ATF7IP2: variants seen among roughly 807,000 people sequenced by gnomAD.
ATF7IP2 encodes activating transcription factor 7-interacting protein 2.
Under a neutral mutation model 64.2 loss-of-function variants are expected in ATF7IP2, and 42 were observed. The observed-to-expected ratio is 0.65, with a 90% confidence interval of 0.51 to 0.85. ATF7IP2 has a LOEUF of 0.85. ATF7IP2 is among the 40% of genes least tolerant of loss of function. The pLI is 0.00. For missense variants in ATF7IP2, 933 were observed against 784.2 expected, an observed-to-expected ratio of 1.19 and a Z score of -2.27; for synonymous variants, 308 against 272.8, an observed-to-expected ratio of 1.13 and a Z score of -1.27.
chr16:10,391,472 A>G (rs1245549816), intron 1 of ATF7IP2, among the ~76,000 whole-genome samples: 1 of 152,204 alleles, frequency 6.6e-6, no homozygotes, highest in Non-Finnish European at 1.5e-5. Flanking sequence ...GGAACACTGT[A>G]TAATAGGAAG....
At chr16:10,393,273 G>A (rs148855543) in intron 1 of ATF7IP2, among the ~76,000 whole-genome samples, 1 of 138,186 alleles carries the variant, frequency 7.2e-6, no homozygotes. Flanking sequence ...TTGCCTCAAT[G>A]CCAGTGCACT....
intron 8 of ATF7IP2, among the ~76,000 whole-genome samples, chr16:10,441,124 C>T (rs1006468790): frequency 2.6e-5 from 4 of 152,138 alleles, no homozygotes; most frequent in Non-Finnish European, 4.4e-5. Flanking sequence ...TGTATAAGTG[C>T]CACATTGTCT....
Position 10,431,118 on chromosome 16 carries a change from C to T in ATF7IP2, c.498C>T (p.Ser166=). The change falls in exon 5 of 14, where the codon TCC becomes TCT. Residue 166 remains serine (S), a synonymous_variant. Coordinates refer to ENST00000562102, the MANE Select transcript of ATF7IP2 (RefSeq NM_001393719.1). ...FEHEGACSLK[S]SCCPPSVLSG... ...ATGAGGGGGCTTGTAGTCTAAAGTC[C>T]AGTTGCTGTCCACCCAGTGTATTGA... The T allele has an allele frequency of 2.5e-6, 4 of 1,614,116 alleles. No homozygotes were observed. Among genetic ancestry groups the T allele is most frequent in the Non-Finnish European group, 3.4e-6 (4 of 1,180,014 alleles).
chr16:10,477,186 C>G (rs1209144019), intron 12 of ATF7IP2, among the ~76,000 whole-genome samples: 1 of 152,212 alleles, frequency 6.6e-6, no homozygotes, highest in Non-Finnish European at 1.5e-5. Flanking sequence ...TTTTTGCAAT[C>G]TGTCTAACTG....
chr16:10,459,093 G>A (rs757450787), intron 9 of ATF7IP2, among the ~76,000 whole-genome samples: 8 of 152,064 alleles, frequency 5.3e-5, no homozygotes, highest in Non-Finnish European at 8.8e-5. Context: ...CAGCTCTTTG[G>A]GAGGCCGAGG....
rs572145817 is a variant in ATF7IP2 at position 10,418,759 on chromosome 16, T to G, written c.-202-822T>G. 3.3e-5 allele frequency among the ~76,000 whole-genome samples: 5 copies of G among 152,326 alleles called. 1 individual carries two copies. The highest frequency in any genetic ancestry group is 1.2e-4 in the African/African-American group (5 of 41,568). ...GATGCTTTTTTATTCTGTCCCAAATTTTGATCTTATTAAGAGCCGTTAATA... is the reference window on the plus strand; with the variant it reads ...GATGCTTTTTTATTCTGTCCCAAATGTTGATCTTATTAAGAGCCGTTAATA... On this transcript the variant is annotated intron_variant, in intron 2 of 13. Coordinates refer to ENST00000562102, the MANE Select transcript of ATF7IP2 (RefSeq NM_001393719.1).
chr16:10,461,968 T>A (rs911527548), intron 9 of ATF7IP2, among the ~76,000 whole-genome samples: 1 of 152,110 alleles, frequency 6.6e-6, no homozygotes, highest in African/African-American at 2.4e-5. Context: ...TTGCCCTGTT[T>A]TATGGTCCTT....
At chr16:10,464,866 G>T (rs2049505436) in intron 9 of ATF7IP2, among the ~76,000 whole-genome samples, 1 of 152,202 alleles carries the variant, frequency 6.6e-6, no homozygotes, top group Admixed American at 6.5e-5. Flanking sequence ...TTTCGCTCTT[G>T]TTATCCAGGC....
intron 1 of ATF7IP2, among the ~76,000 whole-genome samples, chr16:10,402,781 A>G (rs1254874942): frequency 1.3e-5 from 2 of 151,974 alleles, no homozygotes; most frequent in African/African-American, 4.8e-5. Flanking sequence ...GGTTTTTTAA[A>G]AATTTGTTCA....
chr16:10,393,271 A>G (rs1031712522), intron 1 of ATF7IP2, among the ~76,000 whole-genome samples: 2 of 139,078 alleles, frequency 1.4e-5, no homozygotes, highest in African/African-American at 2.7e-5. Flanking sequence ...GATTGCCTCA[A>G]TGCCAGTGCA....
intron 2 of ATF7IP2, among the ~76,000 whole-genome samples, chr16:10,415,356 T>A (rs963346057): frequency 2.0e-5 from 3 of 152,162 alleles, no homozygotes; most frequent in Non-Finnish European, 2.9e-5. Context: ...TTGACAAAGA[T>A]GTCAAGAACA....
At chr16:10,411,898 C>T (rs2047767675) in intron 1 of ATF7IP2, among the ~76,000 whole-genome samples, 3 of 129,376 alleles carry the variant, frequency 2.3e-5, no homozygotes, top group South Asian at 2.3e-4. Context: ...TCTAGTTGAG[C>T]TTATTTGTTT....
At chr16:10,398,754 AC>A (rs1450868295) in intron 1 of ATF7IP2, among the ~76,000 whole-genome samples, 2 of 152,114 alleles carry the variant, frequency 1.3e-5, no homozygotes, top group Non-Finnish European at 2.9e-5. Context: ...AGGTGATTTT[AC>A]AGCTGGGGGG....
At chr16:10,436,863 G>C (rs1456551639) in intron 6 of ATF7IP2, among the ~76,000 whole-genome samples, 1 of 151,734 alleles carries the variant, frequency 6.6e-6, no homozygotes, top group Non-Finnish European at 1.5e-5. Flanking sequence ...AGTGGGCATT[G>C]AAATTAATTA....
At chr16:10,404,960 A>G (rs981649627) in intron 1 of ATF7IP2, among the ~76,000 whole-genome samples, 3 of 152,220 alleles carry the variant, frequency 2.0e-5, no homozygotes, top group African/African-American at 4.8e-5. Context: ...TAAGCTTCAT[A>G]AATGAAGGAG....
chr16:10,457,572 A>C, intron 9 of ATF7IP2, 43 bp downstream of exon 9: 3 of 1,395,654 alleles, frequency 2.1e-6, no homozygotes, highest in Non-Finnish European at 2.9e-6. Context: ...CTAAATCTAT[A>C]ATAATGAATT....
intron 1 of ATF7IP2, 76 bp downstream of exon 1, chr16:10,386,198 C>T (rs1369950443): frequency 6.6e-6 from 1 of 152,266 alleles, no homozygotes; most frequent in Non-Finnish European, 1.5e-5. Flanking sequence ...TCGGTCGCCT[C>T]TCTGAGGGCC....
intron 6 of ATF7IP2, among the ~76,000 whole-genome samples, chr16:10,435,404 C>G (rs2048387184): frequency 1.3e-5 from 2 of 152,214 alleles, no homozygotes; most frequent in Non-Finnish European, 2.9e-5. Context: ...TAAGTTTGTA[C>G]TTTCTCCAAA....
At chr16:10,440,818 G>T (rs112724736) in intron 8 of ATF7IP2, among the ~76,000 whole-genome samples, 5 of 152,208 alleles carry the variant, frequency 3.3e-5, no homozygotes, top group African/African-American at 9.6e-5. Flanking sequence ...CATTACATAG[G>T]TATACACGTG....
Sources: allele counts gnomAD v4.1 joint callset (sites outside exome capture counted in the v4.1 genomes callset), GRCh38; gene constraint gnomAD v4.1.1; transcripts MANE v1.5; gene names NCBI Gene and HGNC (gene_info 2026-07-23, HGNC 2026-07-21).